Variants in SGMS1 observed in about 807,000 individuals in gnomAD.
SGMS1 encodes phosphatidylcholine:ceramide cholinephosphotransferase 1.
SGMS1 carries 13 observed loss-of-function variants against 46.2 expected under a neutral mutation model. The ratio of observed to expected loss-of-function variants is 0.28; its 90% confidence interval spans 0.18 to 0.45. The LOEUF is 0.45. SGMS1 is among the 20% of genes least tolerant of loss of function. SGMS1 has a pLI of 1.00. For synonymous variants in SGMS1, 203 were observed against 187.8 expected (o/e 1.08, Z -0.66); for missense variants, 324 against 519.9 (o/e 0.62, Z 3.66).
chr10:50,449,141 A>C (rs17438825), intron 5 of SGMS1, among the ~76,000 whole-genome samples: 26,543 of 152,216 alleles, frequency 0.17, 2,632 homozygotes, highest in Admixed American at 0.24. Context: ...GTAGCTCTTA[A>C]AATTTATTTC....
At chr10:50,581,651 T>A (rs533376598) in intron 2 of SGMS1, among the ~76,000 whole-genome samples, 12 of 152,346 alleles carry the variant, frequency 7.9e-5, no homozygotes, top group African/African-American at 2.2e-4. Context: ...GAACCTATTA[T>A]AATTCCCACA....
rs1168689773 is a variant in SGMS1, at chr10:50,510,854, A to T, written c.-498+8977T>A. Among the ~76,000 whole-genome samples, 3 of 152,118 alleles carry T rather than the reference A, an allele frequency of 2.0e-5. No homozygotes were observed. In the South Asian group the frequency reaches 6.2e-4, roughly 31 times the overall value. ...TGTTTGTTTGGGTTTTTTTACATACAATTCTATAAAACTTTATCTCATATA... is the reference window on the plus strand; with the variant it reads ...TGTTTGTTTGGGTTTTTTTACATACTATTCTATAAAACTTTATCTCATATA... On this transcript the variant is annotated intron_variant, in intron 3 of 10. Transcript: ENST00000361781.
intron 5 of SGMS1, among the ~76,000 whole-genome samples, chr10:50,450,915 TAAAAG>T (rs1837100407): frequency 6.6e-6 from 1 of 151,824 alleles, no homozygotes. Context: ...AAACAACTGT[TAAAAG>T]AAAAAGAAAA....
intron 1 of SGMS1, among the ~76,000 whole-genome samples, chr10:50,591,860 G>A (rs1305240792): frequency 6.6e-6 from 1 of 152,168 alleles, no homozygotes; most frequent in African/African-American, 2.4e-5. Context: ...CCTACTTGGC[G>A]CTTCATCTGC....
At chr10:50,577,124 C>T (rs1205989911) in intron 2 of SGMS1, among the ~76,000 whole-genome samples, 1 of 152,150 alleles carries the variant, frequency 6.6e-6, no homozygotes, top group Non-Finnish European at 1.5e-5. Flanking sequence ...TTTTGGAAGA[C>T]TCAGGCTGCT....
At chr10:50,544,070 TACATTTATTTCTTAA>T (rs142710375) in intron 2 of SGMS1, among the ~76,000 whole-genome samples, 3,492 of 152,310 alleles carry the variant, frequency 0.023, 113 homozygotes, top group African/African-American at 0.079. Flanking sequence ...TAGGTTCTGA[TACATTTATTTCTTAA>T]ACATTTATTT....
chr10:50,396,028 C>T (rs1005793712), intron 6 of SGMS1, among the ~76,000 whole-genome samples: 2 of 152,126 alleles, frequency 1.3e-5, no homozygotes, highest in South Asian at 2.1e-4. Flanking sequence ...TCTGAGGATC[C>T]CAATTCTACT....
At chr10:50,624,521 G>A, upstream of SGMS1, 1 of 909,584 alleles carries the variant, frequency 1.1e-6, no homozygotes, top group Non-Finnish European at 1.3e-6. Flanking sequence ...GCGACGCCTG[G>A]GAGCGCGACG....
intron 6 of SGMS1, among the ~76,000 whole-genome samples, chr10:50,375,440 T>C (rs1212689923): frequency 7.2e-5 from 11 of 152,302 alleles, no homozygotes; most frequent in East Asian, 1.9e-4. Flanking sequence ...TGGCTCATGA[T>C]AGCTATCAAC....
chr10:50,438,430 T>TA, intron 5 of SGMS1, among the ~76,000 whole-genome samples: 1 of 152,138 alleles, frequency 6.6e-6, no homozygotes, highest in Non-Finnish European at 1.5e-5. Context: ...AGGCTCTAGT[T>TA]AGAGAGCCCA....
intron 2 of SGMS1, among the ~76,000 whole-genome samples, chr10:50,578,280 T>C (rs991248196): frequency 6.6e-6 from 1 of 152,228 alleles, no homozygotes; most frequent in African/African-American, 2.4e-5. Context: ...GTCCAGTCTC[T>C]TTAGCCTGCG....
In SGMS1 at chr10:50,367,727, G is replaced by A. The variant is rs1393710186; in HGVS notation, c.-231-23382C>T. Among the ~76,000 whole-genome samples, 3 of 152,148 alleles carry A rather than the reference G, an allele frequency of 2.0e-5. No homozygotes were observed. In the East Asian group the frequency reaches 5.8e-4, roughly 29 times the overall value. The stretch of plus-strand genomic sequence containing the variant: ...CATTACATCCTTTCCACTCACCGCT[G>A]ACTGTGACTTCTTGCTTCTAACTAA... On this transcript the variant is annotated intron_variant, in intron 6 of 10. Coordinates refer to ENST00000361781, the MANE Select transcript of SGMS1 (RefSeq NM_147156.4).
intron 4 of SGMS1, among the ~76,000 whole-genome samples, chr10:50,461,693 A>C (rs182632664): frequency 1.3e-5 from 2 of 152,256 alleles, no homozygotes; most frequent in Admixed American, 1.3e-4. Context: ...CCCCAGGATA[A>C]AAATCATAGG....
chr10:50,370,077 C>T (rs1353621501), intron 6 of SGMS1, among the ~76,000 whole-genome samples: 1 of 152,126 alleles, frequency 6.6e-6, no homozygotes. Context: ...GGGCACTTAC[C>T]ATGAATGGAG....
At chr10:50,379,161 C>T (rs956897985) in intron 6 of SGMS1, among the ~76,000 whole-genome samples, 3 of 152,036 alleles carry the variant, frequency 2.0e-5, no homozygotes, top group African/African-American at 7.2e-5. Flanking sequence ...ATACTTTAAG[C>T]CCCAGGAATT....
At chr10:50,540,960 T>C (rs1838046728) in intron 2 of SGMS1, among the ~76,000 whole-genome samples, 1 of 151,934 alleles carries the variant, frequency 6.6e-6, no homozygotes, top group Non-Finnish European at 1.5e-5. Flanking sequence ...TTGAGATACT[T>C]TTTGGAGGCA....
rs140013487 is a variant in SGMS1 at position 50,564,334 on chromosome 10, G to T, written c.-589+25819C>A. Among the ~76,000 whole-genome samples the T allele has an allele frequency of 3.4e-3, 520 of 152,348 alleles. 3 individuals are homozygous for T. The highest frequency in any genetic ancestry group is 0.012 in the African/African-American group (500 of 41,572). On this transcript the variant is annotated intron_variant, in intron 2 of 10. Coordinates refer to ENST00000361781, the MANE Select transcript of SGMS1 (RefSeq NM_147156.4). ...TGTCTGTTTCCTGACCCGGGTGGTG[G>T]CAACTTGTCTTCACTTTGTGATCAT...
rs544980538 is a variant in SGMS1, at chr10:50,401,710, A to G, written c.-232+31766T>C. 2.6e-5 allele frequency among the ~76,000 whole-genome samples: 4 copies of G among 152,310 alleles called. No individual in the cohort carries two copies. In the South Asian group the frequency reaches 8.3e-4, roughly 32 times the overall value. ...TTGTCACAATCAACATTAGGCTTCT[A>G]TTTTTCATTTGCCTTCTTCAATGCC... On this transcript the variant is annotated intron_variant, in intron 6 of 10. Coordinates refer to ENST00000361781, the MANE Select transcript of SGMS1 (RefSeq NM_147156.4).
chr10:50,413,796 G>A (rs1220285753), intron 6 of SGMS1, among the ~76,000 whole-genome samples: 1 of 152,218 alleles, frequency 6.6e-6, no homozygotes, highest in Non-Finnish European at 1.5e-5. Flanking sequence ...TTGGACTGGA[G>A]ATAAGAAAGA....
Sources: gnomAD v4.1 joint callset for allele counts (sites outside exome capture counted in the v4.1 genomes callset) on GRCh38, gnomAD v4.1.1 for gene constraint, MANE v1.5 for transcripts, NCBI Gene and HGNC (gene_info 2026-07-23, HGNC 2026-07-21) for gene names.